ACAP2: variants seen among roughly 807,000 people sequenced by gnomAD.
ACAP2 encodes the protein arf-GAP with coiled-coil, ANK repeat and PH domain-containing protein 2.
Under a neutral mutation model 115.8 loss-of-function variants are expected in ACAP2, and 39 were observed. The ratio of observed to expected loss-of-function variants is 0.34; its 90% confidence interval spans 0.26 to 0.44. ACAP2 has a LOEUF of 0.44. Among genes scored for constraint, ACAP2 ranks in the 20% least tolerant of loss-of-function variants. ACAP2 has a pLI of 1.00. For synonymous variants in ACAP2, 289 were observed against 315.8 expected (o/e 0.92, Z 0.90); for missense variants, 662 against 927.6 (o/e 0.71, Z 3.72).
In ACAP2 at chr3:195,303,282, A is replaced by C. The variant is rs912144613; in HGVS notation, c.1117-1108T>G. Among the ~76,000 whole-genome samples the C allele has an allele frequency of 2.6e-5, 4 of 152,078 alleles. No individual in the cohort carries two copies. The South Asian group carries it at 8.3e-4, about 31-fold the overall frequency. Reference sequence around the variant, plus strand: ...AAATTAGCTAGGCATGGTGATGCACACCTGTGGTCCCAGCTACTCAGAAGG... The same window carrying C: ...AAATTAGCTAGGCATGGTGATGCACCCCTGTGGTCCCAGCTACTCAGAAGG... On this transcript the variant is annotated intron_variant, in intron 13 of 22. Transcript: ENST00000326793.
chr3:195,440,303 G>C (rs1007248718), intron 1 of ACAP2, among the ~76,000 whole-genome samples: 10 of 152,080 alleles, frequency 6.6e-5, no homozygotes, highest in Middle Eastern at 3.4e-3. Context: ...AATTACAAAA[G>C]ACAATGTTGC....
chr3:195,404,803 T>C (rs1255693438), intron 1 of ACAP2, among the ~76,000 whole-genome samples: 1 of 139,164 alleles, frequency 7.2e-6, no homozygotes, highest in Non-Finnish European at 1.5e-5. Flanking sequence ...TAATTTTTTC[T>C]TTTTTTTTTT....
In ACAP2 at chr3:195,348,784, C is replaced by T. The variant is rs77478920; in HGVS notation, c.286-3467G>A. Among the ~76,000 whole-genome samples the T allele has an allele frequency of 1.9e-3, 289 of 152,202 alleles. 1 individual carries two copies. Among genetic ancestry groups the T allele is most frequent in the Non-Finnish European group, 3.3e-3 (227 of 68,022 alleles). ...CTTCCCTTCCTGATTTTTAAAAACT[C>T]TCAGGAATATAGACATATAAGGTAC... On this transcript the variant is annotated intron_variant, in intron 4 of 22. Coordinates refer to ENST00000326793, the MANE Select transcript of ACAP2 (RefSeq NM_012287.6).
intron 15 of ACAP2, among the ~76,000 whole-genome samples, chr3:195,299,933 G>GA (rs1358995954): frequency 6.7e-6 from 1 of 150,234 alleles, no homozygotes; most frequent in Non-Finnish European, 1.5e-5. Flanking sequence ...ATTAAAATTT[G>GA]AAAAATATTC....
intron 4 of ACAP2, among the ~76,000 whole-genome samples, chr3:195,350,519 T>C (rs1372256746): frequency 6.6e-6 from 1 of 151,732 alleles, no homozygotes; most frequent in Non-Finnish European, 1.5e-5. Flanking sequence ...GGGTGTAGCA[T>C]GTGCCTGTGG....
intron 2 of ACAP2, among the ~76,000 whole-genome samples, chr3:195,387,582 C>T (rs567565881): frequency 4.0e-4 from 61 of 152,186 alleles, no homozygotes; most frequent in African/African-American, 1.4e-3. Flanking sequence ...AGTGCAGTGG[C>T]GCACGCACAC....
chr3:195,370,563 G>T (rs1278150170), intron 4 of ACAP2, among the ~76,000 whole-genome samples: 1 of 152,072 alleles, frequency 6.6e-6, no homozygotes, highest in Non-Finnish European at 1.5e-5. Flanking sequence ...TAGGTGTGCG[G>T]CTTTATTTCT....
intron 1 of ACAP2, among the ~76,000 whole-genome samples, chr3:195,417,282 A>G (rs1182059952): frequency 1.3e-5 from 2 of 151,658 alleles, no homozygotes; most frequent in African/African-American, 4.9e-5. Context: ...CAGACTGCCT[A>G]ATGAACATCT....
chr3:195,354,161 AG>A (rs1477804198), intron 4 of ACAP2, among the ~76,000 whole-genome samples: 9 of 152,216 alleles, frequency 5.9e-5, no homozygotes, highest in African/African-American at 2.2e-4. Flanking sequence ...GTTCCTGCAA[AG>A]GACATGATCT....
At chr3:195,308,683 CATTA>C in intron 11 of ACAP2, 99 bp downstream of exon 11, 1 of 924,972 alleles carries the variant, frequency 1.1e-6, no homozygotes, top group Non-Finnish European at 1.6e-6. Context: ...TAAATAATTA[CATTA>C]ATTTTACACA....
intron 4 of ACAP2, among the ~76,000 whole-genome samples, chr3:195,358,101 A>C (rs1732109278): frequency 6.6e-6 from 1 of 152,164 alleles, no homozygotes; most frequent in Non-Finnish European, 1.5e-5. Context: ...CACAAAGCCT[A>C]ACCATATCAA....
At chr3:195,373,376 CTATT>C (rs1733308179) in intron 4 of ACAP2, among the ~76,000 whole-genome samples, 2 of 151,660 alleles carry the variant, frequency 1.3e-5, no homozygotes, top group African/African-American at 2.4e-5. Flanking sequence ...TAATCTAAGA[CTATT>C]TAAACATTTA....
At chr3:195,307,189 A>G (rs1327290901) in intron 12 of ACAP2, 34 bp downstream of exon 12, 3 of 1,549,994 alleles carry the variant, frequency 1.9e-6, no homozygotes, top group Non-Finnish European at 2.7e-6. Context: ...ATAAAAACAT[A>G]AAAGCAAATC....
chr3:195,404,586 G>T (rs1206041756), intron 1 of ACAP2, among the ~76,000 whole-genome samples: 1 of 151,698 alleles, frequency 6.6e-6, no homozygotes, highest in East Asian at 1.9e-4. Context: ...GAAGCTAAAT[G>T]TAATTCATTG....
At chr3:195,293,862 G>C (rs989920095) in intron 18 of ACAP2, among the ~76,000 whole-genome samples, 1 of 151,934 alleles carries the variant, frequency 6.6e-6, no homozygotes, top group African/African-American at 2.4e-5. Flanking sequence ...GGGCAGCCTC[G>C]GTGGCTCGCG....
intron 2 of ACAP2, among the ~76,000 whole-genome samples, chr3:195,384,023 T>C (rs1734123845): frequency 6.6e-6 from 1 of 152,200 alleles, no homozygotes; most frequent in Admixed American, 6.5e-5. Flanking sequence ...GCATTGTTGG[T>C]AGGAGTGTAA....
At chr3:195,293,362 G>A (rs1346626052) in intron 18 of ACAP2, among the ~76,000 whole-genome samples, 1 of 152,204 alleles carries the variant, frequency 6.6e-6, no homozygotes, top group Non-Finnish European at 1.5e-5. Context: ...AATCATGGAG[G>A]AGGGGACAAG....
chr3:195,407,246 CCAG>C (rs1712859526), intron 1 of ACAP2, among the ~76,000 whole-genome samples: 1 of 149,846 alleles, frequency 6.7e-6, no homozygotes, highest in Non-Finnish European at 1.5e-5. Flanking sequence ...GTCTATAATC[CCAG>C]CACTTTGGGA....
At chr3:195,325,396 T>A (rs764293684) in intron 9 of ACAP2, 56 of 425,502 alleles carry the variant, frequency 1.3e-4, no homozygotes, top group African/African-American at 1.0e-3. Context: ...ATACTTTCCC[T>A]TAGTTTTTAG....
Sources: gnomAD v4.1 joint callset for allele counts (sites outside exome capture counted in the v4.1 genomes callset) on GRCh38, gnomAD v4.1.1 for gene constraint, MANE v1.5 for transcripts, NCBI Gene and HGNC (gene_info 2026-07-23, HGNC 2026-07-21) for gene names.